Variants in OTULINL observed in about 807,000 individuals in gnomAD.
OTULINL encodes the protein OTU deubiquitinase with linear linkage specificity like.
In OTULINL, 42 loss-of-function variants were observed where a neutral mutation model predicts 43.9. The observed-to-expected ratio is 0.96, with a 90% CI of 0.75 to 1.24. The LOEUF (loss-of-function observed/expected upper bound fraction) is 1.24. OTULINL is among the 50% of genes most tolerant of loss of function. The pLI is 0.00. For missense variants in OTULINL, 411 were observed against 426.4 expected (o/e 0.96, Z 0.32); for synonymous variants, 172 against 153.6 (o/e 1.12, Z -0.88).
At chr5:14,606,703 A>G (rs995720788) in intron 5 of OTULINL, among the ~76,000 whole-genome samples, 3 of 152,198 alleles carry the variant, frequency 2.0e-5, no homozygotes, top group African/African-American at 7.2e-5. Flanking sequence ...CTGTTCCCTG[A>G]TGTAATATAC....
chr5:14,603,212 TTATC>T (rs1270539148), intron 5 of OTULINL, among the ~76,000 whole-genome samples: 1 of 152,238 alleles, frequency 6.6e-6, no homozygotes, highest in South Asian at 2.1e-4. Context: ...TACAGTTTGT[TTATC>T]CATTCACCAG....
At position 14,599,857 on chromosome 5, in the gene OTULINL, G is replaced by A. The variant is rs754679378; in HGVS notation, c.65-1108G>A. Among the ~76,000 whole-genome samples the A allele has an allele frequency of 6.6e-5, 10 of 152,180 alleles. No homozygotes were observed. In the East Asian group the frequency reaches 7.7e-4, roughly 12 times the overall value. ...CTTTTGTCAAATCAGGAATCACAGT[G>A]TATATCATATGCAGCATCACTAAAT... On this transcript the variant is annotated intron_variant, in intron 1 of 7. Coordinates refer to ENST00000274217, the MANE Select transcript of OTULINL (RefSeq NM_019018.3).
At chr5:14,610,075 C>A (rs25960) in intron 7 of OTULINL, 66 bp from the exon 8 acceptor site, 11 of 1,414,034 alleles carry the variant, frequency 7.8e-6, no homozygotes, top group South Asian at 4.8e-5. Context: ...ACACTTCCCC[C>A]CACCGTGGCG....
intron 5 of OTULINL, among the ~76,000 whole-genome samples, chr5:14,604,419 A>T (rs1239029928): frequency 6.6e-6 from 1 of 152,154 alleles, no homozygotes; most frequent in Non-Finnish European, 1.5e-5. Flanking sequence ...GGCCCCTCCC[A>T]AATCTCACAT....
intron 1 of OTULINL, among the ~76,000 whole-genome samples, chr5:14,587,549 C>T (rs1471064716): frequency 6.6e-6 from 1 of 152,134 alleles, no homozygotes. Flanking sequence ...GAAACATAGC[C>T]AATGAAATGA....
intron 1 of OTULINL, among the ~76,000 whole-genome samples, chr5:14,586,791 T>C (rs1361282682): frequency 6.6e-6 from 1 of 152,040 alleles, no homozygotes; most frequent in East Asian, 1.9e-4. Flanking sequence ...GAGGGAGTGA[T>C]AATGTAGTTG....
At position 14,601,196 on chromosome 5, in the gene OTULINL, T is replaced by A. The variant is rs1326496685; in HGVS notation, c.225-17T>A. ...CAAAGCAGAATTCTGATATTATTGT[T>A]CCCTTTTATCTTTCAGGTGGATTGG... is the stretch of plus-strand genomic sequence containing the variant. On this transcript the variant is annotated splice_polypyrimidine_tract_variant and intron_variant, in intron 2 of 7. Coordinates refer to ENST00000274217, the MANE Select transcript of OTULINL (RefSeq NM_019018.3). 6.2e-7 allele frequency: 1 copy of A among 1,612,020 alleles called. No homozygotes were observed.
chr5:14,586,715 C>T lies in OTULINL; in HGVS notation c.64+4757C>T, dbSNP rs1389830746. Among the ~76,000 whole-genome samples, 7 of 151,958 alleles carry T rather than the reference C, an allele frequency of 4.6e-5. No homozygotes were observed. In the East Asian group the frequency reaches 1.4e-3, roughly 29 times the overall value. On this transcript the variant is annotated intron_variant, in intron 1 of 7. Coordinates refer to ENST00000274217, the MANE Select transcript of OTULINL (RefSeq NM_019018.3). ...CTTCTAACAGTGGGAGTGATAAATA[C>T]CTCAGCTCTTTCTCCTCTTGCCATA...
At chr5:14,583,710 A>G (rs552711698) in intron 1 of OTULINL, among the ~76,000 whole-genome samples, 1 of 152,296 alleles carries the variant, frequency 6.6e-6, no homozygotes, top group Admixed American at 6.5e-5. Context: ...CCAAAACATA[A>G]CTTCTGATGA....
intron 2 of OTULINL, 33 bp from the exon 3 acceptor site, chr5:14,601,180 A>G (rs1392187068): frequency 6.2e-7 from 1 of 1,612,054 alleles, no homozygotes; most frequent in Non-Finnish European, 8.5e-7. Flanking sequence ...TCAAAGCAGA[A>G]TTCTGATATT....
chr5:14,605,214 G>C (rs1162811997), intron 5 of OTULINL, among the ~76,000 whole-genome samples: 1 of 152,232 alleles, frequency 6.6e-6, no homozygotes, highest in Non-Finnish European at 1.5e-5. Context: ...CGTGGAAGCT[G>C]TTAAGGCTTG....
chr5:14,609,669 C>T (rs1404674052), intron 7 of OTULINL, among the ~76,000 whole-genome samples: 12 of 131,470 alleles, frequency 9.1e-5, no homozygotes, highest in African/African-American at 3.2e-4. Context: ...CTCGTTCTGT[C>T]GCCCAGGCGG....
chr5:14,584,941 A>G (rs1442426806), intron 1 of OTULINL, among the ~76,000 whole-genome samples: 2 of 152,156 alleles, frequency 1.3e-5, no homozygotes, highest in Non-Finnish European at 1.5e-5. Flanking sequence ...ACCTGGTGGA[A>G]CTTCTGTGAT....
rs1759157796 is a variant in OTULINL, at chr5:14,589,249, CAG to C, written c.64+7292_64+7293del. ...CACCGTGTGCTATGAGAGAGGAAAA[CAG>C]GGATTTGCTCAAGCCTGGAGGTTGG... On this transcript the variant is annotated intron_variant, in intron 1 of 7. Coordinates refer to ENST00000274217, the MANE Select transcript of OTULINL (RefSeq NM_019018.3). Among the ~76,000 whole-genome samples the C allele has an allele frequency of 2.6e-5, 4 of 152,216 alleles. No individual in the cohort carries two copies. The South Asian group carries it at 8.3e-4, about 32-fold the overall frequency.
In OTULINL at chr5:14,615,809, C is replaced by T. The variant is rs1375389196; in HGVS notation, c.*5495C>T. ...CAGGGTAACAATGAAGTGCTCCAATCTGCTTGTGAGACCAGTTAGATTAGT... is the reference window on the plus strand; with the variant it reads ...CAGGGTAACAATGAAGTGCTCCAATTTGCTTGTGAGACCAGTTAGATTAGT... On this transcript the variant is annotated 3_prime_UTR_variant, in exon 8 of 8. Transcript: ENST00000274217. Among the ~76,000 whole-genome samples the T allele has an allele frequency of 6.6e-6, 1 of 152,226 alleles. No individual in the cohort carries two copies. Among genetic ancestry groups the T allele is most frequent in the Non-Finnish European group, 1.5e-5 (1 of 68,034 alleles).
Position 14,607,317 on chromosome 5 carries a change from C to T in OTULINL, c.499-13C>T. On this transcript the variant is annotated splice_polypyrimidine_tract_variant and intron_variant, in intron 5 of 7. Coordinates refer to ENST00000274217, the MANE Select transcript of OTULINL (RefSeq NM_019018.3). ...ATATGCTAATCATAGTTGGCATCTA[C>T]TTCCTTTTCAAGCTTCCTGAAAAAC... is the stretch of plus-strand genomic sequence containing the variant. 1 of 1,612,994 alleles carries T rather than the reference C, an allele frequency of 6.2e-7. No individual in the cohort carries two copies. The highest frequency in any genetic ancestry group is 8.5e-7 in the Non-Finnish European group (1 of 1,179,624).
intron 6 of OTULINL, 128 bp downstream of exon 6, chr5:14,607,586 C>A: frequency 2.7e-6 from 3 of 1,118,400 alleles, no homozygotes; most frequent in Non-Finnish European, 3.8e-6. Context: ...AGAAATGCTT[C>A]TAGTAACTGA....
chr5:14,602,141 C>T (rs1184637447), intron 4 of OTULINL, 42 bp from the exon 5 acceptor site: 2 of 1,485,310 alleles, frequency 1.3e-6, no homozygotes, highest in Non-Finnish European at 9.0e-7. Flanking sequence ...ATTTTCTTGT[C>T]CAGTGGAATT....
Position 14,614,739 on chromosome 5 carries a change from C to T in OTULINL, c.*4425C>T, listed in dbSNP as rs1034650529. ...AAGCTCCATGTGGGAACAGTGTGGC[C>T]CAAGAGCCAGCATGGAGGAGGGCTG... On this transcript the variant is annotated 3_prime_UTR_variant, in exon 8 of 8. Transcript: ENST00000274217. 8 of 398,398 alleles carry T rather than the reference C, an allele frequency of 2.0e-5. No homozygotes were observed. The South Asian group carries it at 1.0e-3, about 51-fold the overall frequency. 24.7% of individuals were successfully genotyped at this position (398,398 alleles called of 1,614,324 possible).
Sources: allele counts gnomAD v4.1 joint callset (sites outside exome capture counted in the v4.1 genomes callset), GRCh38; gene constraint gnomAD v4.1.1; transcripts MANE v1.5; gene names NCBI Gene and HGNC (gene_info 2026-07-23, HGNC 2026-07-21).